Variants in PIK3C2G observed in about 807,000 individuals in gnomAD.
PIK3C2G encodes the protein phosphatidylinositol 3-kinase C2 domain-containing subunit gamma.
Under a neutral mutation model 181.1 loss-of-function variants are expected in PIK3C2G, and 168 were observed. The ratio of observed to expected loss-of-function variants is 0.93; its 90% CI spans 0.82 to 1.05. PIK3C2G has a LOEUF of 1.05. Among genes scored for constraint, PIK3C2G ranks in the 50% least tolerant of loss-of-function variants. The probability of loss-of-function intolerance (pLI) is 0.00; values close to 1 mark genes in which losing one functional copy is unlikely to be tolerated. For synonymous variants in PIK3C2G, 573 were observed against 592.2 expected, an observed-to-expected ratio of 0.97 and a Z score of 0.47; for missense variants, 1,869 against 1,732.8, an observed-to-expected ratio of 1.08 and a Z score of -1.40.
chr12:18,307,993 A>G (rs1950489381), intron 5 of PIK3C2G, among the ~76,000 whole-genome samples: 1 of 151,960 alleles, frequency 6.6e-6, no homozygotes, highest in Non-Finnish European at 1.5e-5. Context: ...ATTATTTAAT[A>G]TGACAAGTCT....
intron 29 of PIK3C2G, among the ~76,000 whole-genome samples, chr12:18,580,487 C>A (rs938019349): frequency 4.6e-5 from 7 of 152,162 alleles, no homozygotes; most frequent in African/African-American, 1.7e-4. Context: ...ATGTTAATTA[C>A]TACATTTGTG....
intron 32 of PIK3C2G, among the ~76,000 whole-genome samples, chr12:18,646,557 G>A (rs2136850069): frequency 6.6e-6 from 1 of 152,272 alleles, no homozygotes; most frequent in East Asian, 1.9e-4. Context: ...CAAAGTACTG[G>A]AAGCTAAATC....
intron 18 of PIK3C2G, among the ~76,000 whole-genome samples, chr12:18,451,574 C>T (rs896995720): frequency 2.0e-5 from 3 of 152,144 alleles, no homozygotes; most frequent in Admixed American, 2.0e-4. Flanking sequence ...ATTTCTTTCT[C>T]TTGCCTGATT....
At chr12:18,467,198 A>G (rs1033647679) in intron 18 of PIK3C2G, among the ~76,000 whole-genome samples, 1 of 152,026 alleles carries the variant, frequency 6.6e-6, no homozygotes, top group African/African-American at 2.4e-5. Context: ...AGTTAGAACT[A>G]TCTCAGTTTG....
At chr12:18,682,463 G>T in the PIK3C2G span, among the ~76,000 whole-genome samples, 2 of 151,986 alleles carry the variant, frequency 1.3e-5, no homozygotes, top group Non-Finnish European at 2.9e-5. Flanking sequence ...GTTCCATATT[G>T]TTCTACATGA....
intron 5 of PIK3C2G, among the ~76,000 whole-genome samples, chr12:18,304,024 G>T (rs970828681): frequency 6.6e-6 from 1 of 151,756 alleles, no homozygotes; most frequent in Non-Finnish European, 1.5e-5. Flanking sequence ...TAAGAAGGTG[G>T]TATTTACCTC....
upstream of PIK3C2G, among the ~76,000 whole-genome samples, chr12:18,244,575 A>G (rs1948020033): frequency 6.6e-6 from 1 of 152,052 alleles, no homozygotes; most frequent in Admixed American, 6.6e-5. Flanking sequence ...ATTTTACGCT[A>G]TCTCTAAAAG....
chr12:18,413,439 T>A (rs1270542077), intron 16 of PIK3C2G, among the ~76,000 whole-genome samples: 1 of 152,038 alleles, frequency 6.6e-6, no homozygotes, highest in Admixed American at 6.6e-5. Flanking sequence ...TTAAGAAGTA[T>A]TTTTTTCATA....
chr12:18,521,645 T>C (rs1942925496), intron 24 of PIK3C2G, among the ~76,000 whole-genome samples: 1 of 152,180 alleles, frequency 6.6e-6, no homozygotes, highest in Admixed American at 6.5e-5. Context: ...GAGTGCAGCC[T>C]GGAGCTATAG....
chr12:18,619,993 G>A (rs1948777505), intron 31 of PIK3C2G, among the ~76,000 whole-genome samples: 1 of 151,854 alleles, frequency 6.6e-6, no homozygotes, highest in Non-Finnish European at 1.5e-5. Context: ...CAAAGTGCTG[G>A]GATTACAGGC....
At chr12:18,543,152 CT>C (rs61611543) in intron 25 of PIK3C2G, among the ~76,000 whole-genome samples, 68,179 of 151,734 alleles carry the variant, frequency 0.45, 15,937 homozygotes, top group East Asian at 0.76. Context: ...TGACATTGAG[CT>C]TTTTTTCATA....
intron 7 of PIK3C2G, among the ~76,000 whole-genome samples, chr12:18,321,516 T>C (rs1342627651): frequency 1.3e-5 from 2 of 152,216 alleles, no homozygotes; most frequent in African/African-American, 2.4e-5. Context: ...AATGTATGCA[T>C]GTATTATTTG....
At chr12:18,581,337 A>G (rs1361497754) in intron 29 of PIK3C2G, among the ~76,000 whole-genome samples, 2 of 152,246 alleles carry the variant, frequency 1.3e-5, no homozygotes, top group African/African-American at 4.8e-5. Flanking sequence ...AAATACATAC[A>G]TAAAACCTCA....
intron 11 of PIK3C2G, among the ~76,000 whole-genome samples, chr12:18,362,424 C>G (rs1375203486): frequency 2.6e-5 from 4 of 152,266 alleles, no homozygotes; most frequent in Non-Finnish European, 2.9e-5. Flanking sequence ...GGAAGAGGCT[C>G]TGGTAAGTGA....
intron 28 of PIK3C2G, among the ~76,000 whole-genome samples, chr12:18,564,488 C>A (rs1945516750): frequency 6.7e-6 from 1 of 149,438 alleles, no homozygotes; most frequent in African/African-American, 2.5e-5. Context: ...TAAATATAAG[C>A]AAAGTTAGTG....
chr12:18,281,889 C>T (rs1949234768), intron 1 of PIK3C2G, 115 bp from the exon 2 acceptor site: 3 of 542,082 alleles, frequency 5.5e-6, no homozygotes, highest in Non-Finnish European at 9.9e-6. Context: ...AATTATTTCA[C>T]TTGCTAAAAA....
the PIK3C2G span, among the ~76,000 whole-genome samples, chr12:18,661,809 A>C: frequency 6.6e-6 from 1 of 152,124 alleles, no homozygotes; most frequent in Non-Finnish European, 1.5e-5. Context: ...AAGGAATATA[A>C]ATTGTTCTAC....
chr12:18,467,907 CCATT>C (rs964494913), intron 18 of PIK3C2G, among the ~76,000 whole-genome samples: 2 of 151,980 alleles, frequency 1.3e-5, no homozygotes, highest in African/African-American at 2.4e-5. Flanking sequence ...GCTCATGATA[CCATT>C]ATTATAATAA....
intron 22 of PIK3C2G, 58 bp from the exon 23 acceptor site, chr12:18,503,223 A>G (rs1220739705): frequency 4.6e-6 from 6 of 1,318,632 alleles, no homozygotes; most frequent in Admixed American, 2.2e-5. Context: ...ATATTTCCTA[A>G]GGCTCCCTCA....
Sources: allele counts gnomAD v4.1 joint callset (sites outside exome capture counted in the v4.1 genomes callset), GRCh38; gene constraint gnomAD v4.1.1; transcripts MANE v1.5; gene names NCBI Gene and HGNC (gene_info 2026-07-23, HGNC 2026-07-21).